PHACTR1: variants seen among roughly 807,000 people sequenced by gnomAD.
The protein encoded by PHACTR1 is phosphatase and actin regulator 1, also known as RPEL repeat containing 1.
A neutral mutation model predicts 69.2 loss-of-function variants in PHACTR1; 16 were observed. That is an observed-to-expected ratio of 0.23 (90% CI 0.16 to 0.35). The LOEUF is 0.35. Ranked by LOEUF, PHACTR1 falls within the 10% of genes least tolerant of loss-of-function variation. PHACTR1 has a pLI of 1.00. For synonymous variants in PHACTR1, 312 were observed against 284.5 expected (o/e 1.10, Z -0.97); for missense variants, 510 against 734.7 (o/e 0.69, Z 3.54).
At position 13,245,084 on chromosome 6, in the gene PHACTR1, A is replaced by T. The variant is rs1203048447; in HGVS notation, c.1391+14891A>T. Among the ~76,000 whole-genome samples, 2 of 152,208 alleles carry T rather than the reference A, an allele frequency of 1.3e-5. No individual in the cohort carries two copies. Among genetic ancestry groups the T allele is most frequent in the African/African-American group, 4.8e-5 (2 of 41,448 alleles). ...TGTTTGGGGTCCCTGACTTCCCGCA[A>T]CAGTATTTAGGTTGATTCCATGTCT... On this transcript the variant is annotated intron_variant, in intron 10 of 14. Coordinates refer to ENST00000332995, the MANE Select transcript of PHACTR1 (RefSeq NM_030948.6). The surrounding 1 kb of genome is among the most constrained non-coding windows in gnomAD (Gnocchi z 4.1).
At chr6:12,891,184 G>A (rs188274496) in intron 4 of PHACTR1, among the ~76,000 whole-genome samples, 93 of 152,002 alleles carry the variant, frequency 6.1e-4, no homozygotes, top group African/African-American at 2.1e-3. Context: ...ATTTTTCTTG[G>A]GGGGATAATA....
intron 4 of PHACTR1, among the ~76,000 whole-genome samples, chr6:12,918,504 T>G (rs1240287270): frequency 6.6e-6 from 1 of 152,248 alleles, no homozygotes; most frequent in Admixed American, 6.5e-5. Flanking sequence ...ACATTACTTC[T>G]GTTGTCGTAC....
intron 4 of PHACTR1, 51 bp downstream of exon 4, chr6:12,749,841 C>T (rs1766355240): frequency 6.8e-7 from 1 of 1,459,984 alleles, no homozygotes; most frequent in African/African-American, 1.4e-5. Context: ...CTCCCTCCCT[C>T]CCCGGCTGTT....
At chr6:12,851,983 C>T (rs1229149382) in intron 4 of PHACTR1, among the ~76,000 whole-genome samples, 8 of 152,000 alleles carry the variant, frequency 5.3e-5, no homozygotes, top group African/African-American at 1.2e-4. Flanking sequence ...TACAGGTACG[C>T]GCCACCACAC....
At chr6:13,068,659 T>C (rs1809038059) in intron 5 of PHACTR1, among the ~76,000 whole-genome samples, 1 of 152,152 alleles carries the variant, frequency 6.6e-6, no homozygotes, top group Admixed American at 6.5e-5. Flanking sequence ...GTTTCCTGGG[T>C]ATCAGCAAGT....
chr6:12,947,772 T>A (rs1790848559), intron 4 of PHACTR1, among the ~76,000 whole-genome samples: 1 of 152,128 alleles, frequency 6.6e-6, no homozygotes, highest in Non-Finnish European at 1.5e-5. Flanking sequence ...TTTAAATACG[T>A]AGTAAGTGAC....
At chr6:12,992,034 A>G (rs1296094770) in intron 4 of PHACTR1, among the ~76,000 whole-genome samples, 1 of 151,870 alleles carries the variant, frequency 6.6e-6, no homozygotes, top group African/African-American at 2.4e-5. Flanking sequence ...CAACACACAC[A>G]TTGTTATTTT....
At chr6:12,842,376 T>A (rs1439147315) in intron 4 of PHACTR1, among the ~76,000 whole-genome samples, 3 of 152,244 alleles carry the variant, frequency 2.0e-5, no homozygotes, top group Non-Finnish European at 4.4e-5. Context: ...CATATTTTCC[T>A]GTAAGGACAA....
intron 4 of PHACTR1, among the ~76,000 whole-genome samples, chr6:12,888,031 C>T (rs1783807875): frequency 7.6e-6 from 1 of 132,204 alleles, no homozygotes; most frequent in African/African-American, 2.8e-5. Flanking sequence ...CAAGATTGAG[C>T]TACTGCACTC....
rs555399554 is a variant in PHACTR1, at chr6:12,869,842, G to A, written c.250+120052G>A. Reference sequence around the variant, plus strand: ...ATTTGAGTGTATCTTTCACACATACGAGAGTGTAAAGTCAATGAACTTGAG... The same window carrying A: ...ATTTGAGTGTATCTTTCACACATACAAGAGTGTAAAGTCAATGAACTTGAG... On this transcript the variant is annotated intron_variant, in intron 4 of 14. Coordinates refer to ENST00000332995, the MANE Select transcript of PHACTR1 (RefSeq NM_030948.6). Among the ~76,000 whole-genome samples, 13 of 152,184 alleles carry A rather than the reference G, an allele frequency of 8.5e-5. No individual in the cohort carries two copies. The East Asian group carries it at 1.2e-3, about 14-fold the overall frequency.
chr6:12,776,193 C>T (rs1770039645), intron 4 of PHACTR1, among the ~76,000 whole-genome samples: 1 of 152,212 alleles, frequency 6.6e-6, no homozygotes, highest in Admixed American at 6.5e-5. Flanking sequence ...TACAAATCCA[C>T]ATCAGCCTAG....
intron 4 of PHACTR1, among the ~76,000 whole-genome samples, chr6:12,946,805 A>ATTTTTTT (rs11412388): frequency 5.9e-5 from 5 of 85,218 alleles, no homozygotes; most frequent in African/African-American, 1.0e-4. Flanking sequence ...ATGGTGCTGG[A>ATTTTTTT]TTTTTTTTTT....
At chr6:13,053,237 G>A in intron 4 of PHACTR1, 128 bp from the exon 5 acceptor site, 1 of 1,048,752 alleles carries the variant, frequency 9.5e-7, no homozygotes, top group Non-Finnish European at 1.3e-6. Flanking sequence ...ATTCCAAAAG[G>A]CAAAGAGAAA....
chr6:13,059,293 A>G (rs1424922644), intron 5 of PHACTR1, among the ~76,000 whole-genome samples: 1 of 152,128 alleles, frequency 6.6e-6, no homozygotes, highest in East Asian at 1.9e-4. Context: ...GGTGGTTGCC[A>G]GGGGAGGGGG....
chr6:13,213,209 C>T lies in PHACTR1; in HGVS notation c.986+7073C>T, dbSNP rs559797190. 7.2e-5 allele frequency among the ~76,000 whole-genome samples: 11 copies of T among 152,332 alleles called. No individual in the cohort carries two copies. The East Asian group carries it at 1.7e-3, about 24-fold the overall frequency. Reference sequence around the variant, plus strand: ...GCTTCCTATTGATGGATTGAGTTCTCACAAGGCATATGTTATATAAATATT... The same window carrying T: ...GCTTCCTATTGATGGATTGAGTTCTTACAAGGCATATGTTATATAAATATT... On this transcript the variant is annotated intron_variant, in intron 8 of 14. Transcript: ENST00000332995.
intron 4 of PHACTR1, among the ~76,000 whole-genome samples, chr6:12,773,330 A>T (rs911074762): frequency 1.3e-5 from 2 of 152,156 alleles, no homozygotes; most frequent in Non-Finnish European, 2.9e-5. Flanking sequence ...GAACCAAGGG[A>T]TGTTCACACC....
At chr6:12,828,775 G>A (rs1305977836) in intron 4 of PHACTR1, among the ~76,000 whole-genome samples, 1 of 151,806 alleles carries the variant, frequency 6.6e-6, no homozygotes, top group East Asian at 1.9e-4. Context: ...AAAAACACAA[G>A]CTCTTTTAGA....
chr6:13,133,184 T>C (rs997397752), intron 5 of PHACTR1, among the ~76,000 whole-genome samples: 13 of 143,130 alleles, frequency 9.1e-5, no homozygotes, highest in African/African-American at 1.3e-4. Flanking sequence ...TTCGTCTCCA[T>C]TGAAAATCTA....
chr6:12,934,709 G>A (rs558137304), intron 4 of PHACTR1, among the ~76,000 whole-genome samples: 4 of 152,138 alleles, frequency 2.6e-5, no homozygotes, highest in East Asian at 3.9e-4. Flanking sequence ...GGTAGCACGC[G>A]CCTGTAATCC....
Sources: allele counts gnomAD v4.1 joint callset (sites outside exome capture counted in the v4.1 genomes callset), GRCh38; gene constraint gnomAD v4.1.1; non-coding constraint Gnocchi (gnomAD v3.1); transcripts MANE v1.5; gene names NCBI Gene and HGNC (gene_info 2026-07-23, HGNC 2026-07-21).